LIN28B: variants seen among roughly 807,000 people sequenced by gnomAD.
The protein encoded by LIN28B is lin-28 RNA binding posttranscriptional regulator B, also known as protein lin-28 homolog B.
Under a neutral mutation model 21.9 loss-of-function variants are expected in LIN28B, and 5 were observed. The observed-to-expected ratio is 0.23, with a 90% confidence interval of 0.12 to 0.48. The LOEUF (loss-of-function observed/expected upper bound fraction) is 0.48, where lower values mean the gene tolerates loss of function less well. LIN28B is among the 20% of genes least tolerant of loss of function. The probability of loss-of-function intolerance (pLI) is 0.98; values close to 1 mark genes in which losing one functional copy is unlikely to be tolerated. For missense variants in LIN28B, 245 were observed against 310.5 expected, an observed-to-expected ratio of 0.79 and a Z score of 1.58; for synonymous variants, 109 against 111.3, an observed-to-expected ratio of 0.98 and a Z score of 0.13.
intron 2 of LIN28B, among the ~76,000 whole-genome samples, chr6:105,022,439 G>T (rs890262906): frequency 6.6e-6 from 1 of 152,164 alleles, no homozygotes; most frequent in Non-Finnish European, 1.5e-5. Context: ...AGTATAGACA[G>T]CTGTAAAGAA....
intron 2 of LIN28B, among the ~76,000 whole-genome samples, chr6:104,998,972 A>C (rs1274702080): frequency 6.6e-6 from 1 of 152,204 alleles, no homozygotes; most frequent in African/African-American, 2.4e-5. Flanking sequence ...TATAATGTAC[A>C]GACAAAAGAT....
chr6:105,062,511 A>C (rs1266025209), intron 3 of LIN28B, among the ~76,000 whole-genome samples: 1 of 152,212 alleles, frequency 6.6e-6, no homozygotes. Context: ...ATATAAATCA[A>C]ATCCTGCTTT....
chr6:104,958,904 T>C (rs1323721211), intron 2 of LIN28B, among the ~76,000 whole-genome samples: 1 of 152,218 alleles, frequency 6.6e-6, no homozygotes, highest in Admixed American at 6.5e-5. Flanking sequence ...ATGTGCTCCG[T>C]GTAGTCATTG....
intron 3 of LIN28B, among the ~76,000 whole-genome samples, chr6:105,076,808 G>A (rs1772433798): frequency 1.3e-5 from 2 of 151,820 alleles, no homozygotes; most frequent in Non-Finnish European, 2.9e-5. Context: ...GTTTCACCAT[G>A]TTGGCCAGAA....
intron 3 of LIN28B, among the ~76,000 whole-genome samples, chr6:105,026,712 ACCAGACTGTT>A (rs909895543): frequency 7.2e-5 from 11 of 152,144 alleles, no homozygotes; most frequent in African/African-American, 2.7e-4. Flanking sequence ...CACCTTTTCC[ACCAGACTGTT>A]CTGAGACCCC....
chr6:105,018,722 T>C (rs1442789813), intron 2 of LIN28B, among the ~76,000 whole-genome samples: 3 of 152,292 alleles, frequency 2.0e-5, no homozygotes, highest in East Asian at 3.9e-4. Flanking sequence ...CCTTCCTTTC[T>C]TCCTTCCTCA....
intron 3 of LIN28B, among the ~76,000 whole-genome samples, chr6:105,040,345 C>T (rs1771607384): frequency 6.6e-6 from 1 of 151,890 alleles, no homozygotes; most frequent in Admixed American, 6.6e-5. Flanking sequence ...TTATTCTAGT[C>T]TCATGAATTA....
chr6:105,069,880 C>A (rs1354815526), intron 3 of LIN28B, among the ~76,000 whole-genome samples: 2 of 152,022 alleles, frequency 1.3e-5, no homozygotes, highest in Non-Finnish European at 2.9e-5. Context: ...GCCATCACAA[C>A]CAGAAATTTC....
intron 2 of LIN28B, among the ~76,000 whole-genome samples, chr6:104,963,265 C>T (rs958543440): frequency 6.6e-6 from 1 of 152,144 alleles, no homozygotes; most frequent in African/African-American, 2.4e-5. Context: ...CCAGGATGCT[C>T]TCGATCTCCT....
intron 2 of LIN28B, among the ~76,000 whole-genome samples, chr6:105,000,685 TA>T (rs910381270): frequency 6.6e-6 from 1 of 151,590 alleles, no homozygotes; most frequent in African/African-American, 2.4e-5. Flanking sequence ...TTTATTAAAT[TA>T]AAAAAATAGA....
chr6:105,076,143 G>GA (rs911436264), intron 3 of LIN28B, among the ~76,000 whole-genome samples: 1 of 152,098 alleles, frequency 6.6e-6, no homozygotes, highest in Non-Finnish European at 1.5e-5. Context: ...ACATATGGCT[G>GA]AAACAATATT....
At chr6:104,985,979 T>G (rs1364475815) in intron 2 of LIN28B, among the ~76,000 whole-genome samples, 1 of 152,136 alleles carries the variant, frequency 6.6e-6, no homozygotes, top group Non-Finnish European at 1.5e-5. Flanking sequence ...TGGTTTGGAT[T>G]TGTGTCCCTG....
At chr6:105,058,287 A>T (rs1030232960) in intron 3 of LIN28B, among the ~76,000 whole-genome samples, 1 of 152,178 alleles carries the variant, frequency 6.6e-6, no homozygotes, top group African/African-American at 2.4e-5. Flanking sequence ...CCCACCACAT[A>T]GTTGGGAGCA....
intron 3 of LIN28B, among the ~76,000 whole-genome samples, chr6:105,040,662 C>G (rs1479729240): frequency 6.6e-6 from 1 of 151,968 alleles, no homozygotes; most frequent in Non-Finnish European, 1.5e-5. Flanking sequence ...GAGCCCACAA[C>G]TTTAAAAGGT....
intron 2 of LIN28B, among the ~76,000 whole-genome samples, chr6:104,994,614 A>C (rs1355984481): frequency 6.6e-6 from 1 of 152,222 alleles, no homozygotes; most frequent in Admixed American, 6.5e-5. Context: ...GGTGTTAAAA[A>C]TATTATGTAA....
chr6:104,982,105 G>A (rs1770237218), intron 2 of LIN28B, among the ~76,000 whole-genome samples: 3 of 152,228 alleles, frequency 2.0e-5, no homozygotes, highest in East Asian at 3.9e-4. Context: ...ATCAGGTCAG[G>A]AGATTGAGAC....
intron 2 of LIN28B, among the ~76,000 whole-genome samples, chr6:104,947,615 A>AACTTATATT (rs1293621393): frequency 2.0e-5 from 3 of 151,994 alleles, no homozygotes; most frequent in African/African-American, 7.2e-5. Context: ...AGGCACTCCT[A>AACTTATATT]TAGCAGTAAA....
upstream of LIN28B, among the ~76,000 whole-genome samples, chr6:104,955,939 G>A (rs559592761): frequency 1.3e-5 from 2 of 152,114 alleles, no homozygotes; most frequent in Admixed American, 6.5e-5. Context: ...GTTTGAACCA[G>A]TTTGAAAGGT....
intron 2 of LIN28B, among the ~76,000 whole-genome samples, chr6:104,985,296 T>C (rs548249061): frequency 6.6e-6 from 1 of 152,306 alleles, no homozygotes; most frequent in South Asian, 2.1e-4. Context: ...CTGTTAAGCC[T>C]GAGTGTTTTT....
Sources: gnomAD v4.1 joint callset for allele counts (sites outside exome capture counted in the v4.1 genomes callset) on GRCh38, gnomAD v4.1.1 for gene constraint, MANE v1.5 for transcripts, NCBI Gene and HGNC (gene_info 2026-07-23, HGNC 2026-07-21) for gene names.